BCAS1: variants seen among roughly 807,000 people sequenced by gnomAD.
The protein encoded by BCAS1 is breast carcinoma-amplified sequence 1.
In BCAS1, 46 loss-of-function variants were observed where a neutral mutation model predicts 65.4. The observed-to-expected ratio is 0.70, with a 90% confidence interval of 0.55 to 0.90. The LOEUF (loss-of-function observed/expected upper bound fraction) is 0.90. BCAS1 is among the 40% of genes least tolerant of loss of function. The probability of loss-of-function intolerance (pLI) is 0.00; values close to 1 mark genes in which losing one functional copy is unlikely to be tolerated. For missense variants in BCAS1, 793 were observed against 771.2 expected (o/e 1.03, Z -0.33); for synonymous variants, 298 against 293.5 (o/e 1.02, Z -0.16).
intron 3 of BCAS1, among the ~76,000 whole-genome samples, chr20:54,033,251 A>G (rs1244032620): frequency 6.6e-6 from 1 of 151,126 alleles, no homozygotes; most frequent in Non-Finnish European, 1.5e-5. Context: ...TAGAGAACTG[A>G]GAGCAGAAAA....
chr20:53,949,634 C>A (rs1033775987), intron 12 of BCAS1, among the ~76,000 whole-genome samples: 2 of 152,160 alleles, frequency 1.3e-5, no homozygotes, highest in African/African-American at 4.8e-5. Context: ...GCAGGGAAGC[C>A]CCCCTCCGTC....
At chr20:54,006,851 G>A (rs2091208038) in intron 4 of BCAS1, among the ~76,000 whole-genome samples, 2 of 152,240 alleles carry the variant, frequency 1.3e-5, no homozygotes, top group African/African-American at 2.4e-5. Context: ...TGGAGGCAGT[G>A]AGAGTACAGC....
chr20:53,951,840 G>A (rs1203823343), intron 12 of BCAS1, among the ~76,000 whole-genome samples: 1 of 152,202 alleles, frequency 6.6e-6, no homozygotes, highest in African/African-American at 2.4e-5. Flanking sequence ...TTAGTTTGAA[G>A]ACTGCACTAC....
intron 8 of BCAS1, among the ~76,000 whole-genome samples, chr20:53,979,271 G>A (rs1280184331): frequency 6.6e-6 from 1 of 152,126 alleles, no homozygotes; most frequent in Admixed American, 6.5e-5. Context: ...GAATTTACCA[G>A]GAGCAATAAG....
chr20:53,994,969 T>A (rs2090866355), intron 6 of BCAS1, 43 bp downstream of exon 6: 1 of 1,570,386 alleles, frequency 6.4e-7, no homozygotes, highest in South Asian at 1.1e-5. Flanking sequence ...TCCAATTCTA[T>A]GCGCAAACCC....
intron 10 of BCAS1, among the ~76,000 whole-genome samples, chr20:53,964,800 T>G (rs930422166): frequency 5.2e-5 from 6 of 115,920 alleles, no homozygotes; most frequent in Admixed American, 4.7e-4. Context: ...GGTTTAGAGG[T>G]TTTTTTTTTT....
rs375356126 is a variant in BCAS1 at position 54,028,373 on chromosome 20, T to C, written c.723+19A>G. The C allele has an allele frequency of 3.0e-4, 491 of 1,613,016 alleles. 1 individual carries two copies. Among genetic ancestry groups the C allele is most frequent in the South Asian group, 4.5e-4 (41 of 91,068 alleles). ...GAGCATGCATTCAGAACCAAGTGGA[T>C]ACACCTTGGCACACTTACCTTCCCT... On this transcript the variant is annotated intron_variant, in intron 4 of 12. Coordinates refer to ENST00000688948, the MANE Select transcript of BCAS1 (RefSeq NM_001366298.2).
intron 12 of BCAS1, among the ~76,000 whole-genome samples, chr20:53,950,493 C>G (rs1223215631): frequency 6.6e-6 from 1 of 150,906 alleles, no homozygotes; most frequent in Non-Finnish European, 1.5e-5. Context: ...CATACTCAGG[C>G]AAACTCTATC....
At chr20:54,022,126 C>G (rs149443400) in intron 4 of BCAS1, among the ~76,000 whole-genome samples, 2 of 152,258 alleles carry the variant, frequency 1.3e-5, no homozygotes, top group African/African-American at 4.8e-5. Flanking sequence ...AGCCTAGGGA[C>G]TAAGCAACAA....
At chr20:53,968,467 C>T (rs954195087) in intron 9 of BCAS1, among the ~76,000 whole-genome samples, 7 of 152,174 alleles carry the variant, frequency 4.6e-5, no homozygotes, top group Non-Finnish European at 8.8e-5. Context: ...ACAGAACATA[C>T]CATTGGTTTG....
chr20:53,957,597 G>A (rs544522779), intron 10 of BCAS1, 100 bp from the exon 11 acceptor site: 3 of 1,154,630 alleles, frequency 2.6e-6, no homozygotes, highest in Admixed American at 1.7e-5. Context: ...TTATCATTGA[G>A]GTTTGGGGTC....
At chr20:53,973,340 T>C (rs2090233678) in intron 9 of BCAS1, among the ~76,000 whole-genome samples, 1 of 151,400 alleles carries the variant, frequency 6.6e-6, no homozygotes, top group Non-Finnish European at 1.5e-5. Flanking sequence ...TTATAATGCT[T>C]CTTTATTTTA....
intron 1 of BCAS1, among the ~76,000 whole-genome samples, chr20:54,065,403 A>G (rs2092427425): frequency 6.6e-6 from 1 of 152,080 alleles, no homozygotes; most frequent in South Asian, 2.1e-4. Context: ...GTCAGGAGCG[A>G]TTTTGGCCCC....
At chr20:54,058,586 G>A (rs1212177147) in intron 2 of BCAS1, 61 bp downstream of exon 2, 2 of 1,539,960 alleles carry the variant, frequency 1.3e-6, no homozygotes, top group Admixed American at 4.2e-5. Context: ...GTCAAATACA[G>A]GAAGTTCTTT....
intron 3 of BCAS1, among the ~76,000 whole-genome samples, chr20:54,057,584 GGCTGAATCATATT>G (rs1366828477): frequency 6.6e-6 from 1 of 152,190 alleles, no homozygotes; most frequent in African/African-American, 2.4e-5. Context: ...CTGTTGTTAT[GGCTGAATCATATT>G]GCCCCCAAAG....
intron 4 of BCAS1, among the ~76,000 whole-genome samples, chr20:54,009,790 G>C (rs191730662): frequency 6.6e-6 from 1 of 152,224 alleles, no homozygotes. Flanking sequence ...ATACCCTACT[G>C]ATCAATATGC....
At position 53,970,758 on chromosome 20, in the gene BCAS1, C is replaced by T. The variant is rs2276509; in HGVS notation, c.1318-3685G>A. Among the ~76,000 whole-genome samples the T allele has an allele frequency of 1.0e-3, 152 of 152,278 alleles. 3 individuals carry two copies. The East Asian group carries it at 0.028, about 28-fold the overall frequency. Reference sequence around the variant, plus strand: ...TTGAAATTTGGTTATACAGTTTTTACTAGAGCTGTGGCTTTTGGAAATTGA... The same window carrying T: ...TTGAAATTTGGTTATACAGTTTTTATTAGAGCTGTGGCTTTTGGAAATTGA... On this transcript the variant is annotated intron_variant, in intron 9 of 12. Transcript: ENST00000688948.
At chr20:54,013,033 G>C (rs1051191656) in intron 4 of BCAS1, among the ~76,000 whole-genome samples, 1 of 151,874 alleles carries the variant, frequency 6.6e-6, no homozygotes, top group African/African-American at 2.4e-5. Flanking sequence ...TTTCTACTTT[G>C]TAACCATCAG....
chr20:53,946,717 TG>T (rs2089336389), intron 12 of BCAS1, among the ~76,000 whole-genome samples: 3 of 150,960 alleles, frequency 2.0e-5, no homozygotes, highest in African/African-American at 7.3e-5. Context: ...TTTAGTCCAC[TG>T]TATAGTATAG....
Sources: allele counts gnomAD v4.1 joint callset (sites outside exome capture counted in the v4.1 genomes callset), GRCh38; gene constraint gnomAD v4.1.1; transcripts MANE v1.5; gene names NCBI Gene and HGNC (gene_info 2026-07-23, HGNC 2026-07-21).